The following SCARA3 variants were observed in gnomAD, a reference collection of about 807,000 sequenced individuals.
SCARA3 encodes the protein scavenger receptor class A member 3, also known as cellular stress response gene protein.
SCARA3 carries 39 observed loss-of-function variants against 47.0 expected under a neutral mutation model. The ratio of observed to expected loss-of-function variants is 0.83; its 90% CI spans 0.64 to 1.08. SCARA3 has a LOEUF of 1.08. Ranked by LOEUF, SCARA3 falls within the 50% of genes least tolerant of loss-of-function variation. The pLI is 0.00. For missense variants in SCARA3, 724 were observed against 792.3 expected (o/e 0.91, Z 1.04); for synonymous variants, 356 against 334.1 (o/e 1.07, Z -0.71).
At chr8:27,723,116 C>T in the SCARA3 span, among the ~76,000 whole-genome samples, 5 of 152,176 alleles carry the variant, frequency 3.3e-5, no homozygotes, top group Non-Finnish European at 7.3e-5. Context: ...TCCCCAATCA[C>T]GTTACTTGTC....
chr8:27,707,821 C>CAAAAAAAAAA, the SCARA3 span, among the ~76,000 whole-genome samples: 1 of 142,474 alleles, frequency 7.0e-6, no homozygotes. Context: ...GAAAAACTTC[C>CAAAAAAAAAA]AAAAAAAAAA....
At chr8:27,661,080 C>T (rs1801904506) in intron 5 of SCARA3, among the ~76,000 whole-genome samples, 1 of 152,052 alleles carries the variant, frequency 6.6e-6, no homozygotes, top group Non-Finnish European at 1.5e-5. Context: ...CCTGCTCACG[C>T]CAGGGAGGGC....
intron 1 of SCARA3, among the ~76,000 whole-genome samples, chr8:27,636,849 T>C (rs138529507): frequency 0.026 from 3,949 of 152,192 alleles, 84 homozygotes; most frequent in Non-Finnish European, 0.037. Context: ...GAGATGGAAA[T>C]GGCAGGGCAG....
chr8:27,660,926 G>C (rs1801901421), intron 5 of SCARA3, among the ~76,000 whole-genome samples: 1 of 152,100 alleles, frequency 6.6e-6, no homozygotes, highest in Non-Finnish European at 1.5e-5. Context: ...TAAGGAATTG[G>C]CTCCTGTAAT....
the SCARA3 span, among the ~76,000 whole-genome samples, chr8:27,707,583 T>C: frequency 2.4e-3 from 369 of 151,774 alleles, 2 homozygotes; most frequent in Non-Finnish European, 2.9e-3. Context: ...GTAAGAACAT[T>C]AGGGAATAAA....
At chr8:27,663,106 C>T (rs529569322) in intron 5 of SCARA3, among the ~76,000 whole-genome samples, 1 of 152,352 alleles carries the variant, frequency 6.6e-6, no homozygotes, top group East Asian at 1.9e-4. Context: ...GGCCACAGCC[C>T]ATGGATCAGT....
At position 27,671,929 on chromosome 8, in the gene SCARA3, A is replaced by G. The variant is rs1335837315; in HGVS notation, c.*578A>G. On this transcript the variant is annotated 3_prime_UTR_variant, in exon 6 of 6. Coordinates refer to ENST00000301904, the MANE Select transcript of SCARA3 (RefSeq NM_016240.3). ...CCCCTCTCCTGTGACTGAGCCTGCC[A>G]GGGAGGCAGCTACCTCGGGAGGAAG... The G allele has an allele frequency of 1.0e-6, 1 of 985,314 alleles. No individual in the cohort carries two copies. Among genetic ancestry groups the G allele is most frequent in the East Asian group, 1.1e-4 (1 of 8,806 alleles). The allele number at this position is 985,314 out of a possible 1,614,324, so 61.0% of individuals were successfully genotyped here.
chr8:27,634,267 AG>A, intron 1 of SCARA3, 60 bp downstream of exon 1: 1 of 1,294,626 alleles, frequency 7.7e-7, no homozygotes, highest in Middle Eastern at 2.2e-4. Flanking sequence ...CGCTCCACCC[AG>A]GGCCTGGGGG....
chr8:27,658,943 A>T lies in SCARA3; in HGVS notation c.773A>T (p.Tyr258Phe), dbSNP rs1316738440. Residue 258 changes from tyrosine to phenylalanine, a missense_variant, in exon 5 of 6, where the codon TAC becomes TTC. Coordinates refer to ENST00000301904, the MANE Select transcript of SCARA3 (RefSeq NM_016240.3). ...LQKIVTDWQNYTRLFSGLRTT... is the reference protein window; with the variant it reads ...LQKIVTDWQNFTRLFSGLRTT... ...AAGATTGTCACCGACTGGCAGAACT[A>T]CACACGGCTCTTCAGCGGCCTGCGC... is the stretch of plus-strand genomic sequence containing the variant. 1 of 1,614,158 alleles carries T rather than the reference A, an allele frequency of 6.2e-7. No homozygotes were observed. The highest frequency in any genetic ancestry group is 1.7e-5 in the Admixed American group (1 of 60,022).
At chr8:27,729,353 G>A in the SCARA3 span, among the ~76,000 whole-genome samples, 32 of 152,188 alleles carry the variant, frequency 2.1e-4, no homozygotes, top group Non-Finnish European at 1.2e-4. Flanking sequence ...CTCACAGGAT[G>A]TGAGCCACTT....
chr8:27,665,342 CTG>C (rs1801994550), intron 5 of SCARA3, among the ~76,000 whole-genome samples: 2 of 152,314 alleles, frequency 1.3e-5, no homozygotes, highest in South Asian at 4.1e-4. Flanking sequence ...AACAGAAAGA[CTG>C]TGGTACTTTC....
chr8:27,700,323 C>A, the SCARA3 span, among the ~76,000 whole-genome samples: 2 of 152,076 alleles, frequency 1.3e-5, no homozygotes, highest in South Asian at 4.1e-4. Flanking sequence ...AAGAAAAAGA[C>A]ATGCAGCTCA....
chr8:27,683,584 T>A, the SCARA3 span, among the ~76,000 whole-genome samples: 1 of 152,194 alleles, frequency 6.6e-6, no homozygotes, highest in Non-Finnish European at 1.5e-5. Context: ...TTTGGAAAAC[T>A]GTTTGGCTTC....
the SCARA3 span, among the ~76,000 whole-genome samples, chr8:27,709,686 T>C: frequency 2.0e-5 from 3 of 152,174 alleles, no homozygotes; most frequent in Non-Finnish European, 2.9e-5. Flanking sequence ...CCCAGAGACA[T>C]GGGATGCTGG....
chr8:27,679,489 T>C (rs1802327258), downstream of SCARA3, among the ~76,000 whole-genome samples: 2 of 152,168 alleles, frequency 1.3e-5, no homozygotes, highest in South Asian at 4.1e-4. Flanking sequence ...AGAATGTATA[T>C]TATAGTTTTT....
the SCARA3 span, among the ~76,000 whole-genome samples, chr8:27,712,455 T>C: frequency 1.0e-4 from 15 of 143,246 alleles, no homozygotes; most frequent in Non-Finnish European, 1.7e-4. Context: ...CTCAGCTACT[T>C]GGGAGGCTGA....
intron 5 of SCARA3, among the ~76,000 whole-genome samples, chr8:27,659,791 A>C (rs1338402026): frequency 7.0e-6 from 1 of 142,872 alleles, no homozygotes; most frequent in Non-Finnish European, 1.5e-5. Flanking sequence ...TCGAGGCTAC[A>C]GTGAGCTATG....
the SCARA3 span, among the ~76,000 whole-genome samples, chr8:27,682,940 G>A: frequency 6.6e-6 from 1 of 151,500 alleles, no homozygotes; most frequent in East Asian, 1.9e-4. Context: ...TTACCCAAGA[G>A]AAATAAAAAC....
the SCARA3 span, among the ~76,000 whole-genome samples, chr8:27,685,823 CAAAG>C: frequency 2.0e-5 from 3 of 152,096 alleles, no homozygotes; most frequent in Admixed American, 6.5e-5. Flanking sequence ...GCAAGAGCTC[CAAAG>C]AAAGAAACAT....
Sources: allele counts gnomAD v4.1 joint callset (sites outside exome capture counted in the v4.1 genomes callset), GRCh38; gene constraint gnomAD v4.1.1; transcripts MANE v1.5; gene names NCBI Gene and HGNC (gene_info 2026-07-23, HGNC 2026-07-21).